Variants in ANKS1B observed in about 807,000 individuals in gnomAD.
The protein encoded by ANKS1B is ankyrin repeat and sterile alpha motif domain-containing protein 1B.
Under a neutral mutation model 148.3 loss-of-function variants are expected in ANKS1B, and 36 were observed. The observed-to-expected ratio is 0.24, with a 90% CI of 0.19 to 0.32. The LOEUF is 0.32. Among genes scored for constraint, ANKS1B ranks in the 10% least tolerant of loss-of-function variants. ANKS1B has a pLI of 1.00. For synonymous variants in ANKS1B, 542 were observed against 560.8 expected, an observed-to-expected ratio of 0.97 and a Z score of 0.47; for missense variants, 1,157 against 1,542.6, an observed-to-expected ratio of 0.75 and a Z score of 4.19.
intron 15 of ANKS1B, among the ~76,000 whole-genome samples, chr12:99,108,962 A>G (rs965951827): frequency 2.6e-5 from 4 of 152,300 alleles, no homozygotes; most frequent in African/African-American, 9.6e-5. Context: ...GAAGGGAAGT[A>G]AATGGCCTCA....
Position 98,932,138 on chromosome 12 carries a change from C to T in ANKS1B, c.2779-100002G>A, listed in dbSNP as rs2152967682. ...CCAGGGAAGAGACCAGGGGGAAACACAAACTAACACAACAAGCTCCTTCTG... is the reference window on the plus strand; with the variant it reads ...CCAGGGAAGAGACCAGGGGGAAACATAAACTAACACAACAAGCTCCTTCTG... On this transcript the variant is annotated intron_variant, in intron 17 of 26. Transcript: ENST00000683438. 2.0e-5 allele frequency among the ~76,000 whole-genome samples: 3 copies of T among 152,278 alleles called. No individual in the cohort carries two copies. In the South Asian group the frequency reaches 6.2e-4, roughly 32 times the overall value.
chr12:98,978,793 C>T (rs1159333809), intron 17 of ANKS1B, among the ~76,000 whole-genome samples: 1 of 152,016 alleles, frequency 6.6e-6, no homozygotes, highest in Non-Finnish European at 1.5e-5. Flanking sequence ...ATATACATAA[C>T]AGTGTATATA....
chr12:99,493,355 T>C (rs1023772024), intron 10 of ANKS1B, among the ~76,000 whole-genome samples: 10 of 151,230 alleles, frequency 6.6e-5, no homozygotes, highest in Non-Finnish European at 2.9e-5. Flanking sequence ...ACAAAGAAGA[T>C]ACAATCTACA....
At chr12:98,934,394 T>G (rs1307820980) in intron 17 of ANKS1B, among the ~76,000 whole-genome samples, 2 of 152,126 alleles carry the variant, frequency 1.3e-5, no homozygotes, top group African/African-American at 4.8e-5. Flanking sequence ...TTGATTACTG[T>G]GGCTTTGTGA....
At chr12:99,967,358 C>G (rs2095497130) in intron 1 of ANKS1B, among the ~76,000 whole-genome samples, 1 of 152,130 alleles carries the variant, frequency 6.6e-6, no homozygotes, top group Non-Finnish European at 1.5e-5. Context: ...CTGCATAGCG[C>G]CAAATGTCCT....
At chr12:98,838,363 A>G (rs7975495) in intron 17 of ANKS1B, among the ~76,000 whole-genome samples, 45,590 of 152,100 alleles carry the variant, frequency 0.3, 7,088 homozygotes, top group Admixed American at 0.35. Context: ...GTCTGTCTCT[A>G]TGTTCTGCAT....
At chr12:99,888,411 A>G (rs1278675761) in intron 1 of ANKS1B, among the ~76,000 whole-genome samples, 1 of 152,216 alleles carries the variant, frequency 6.6e-6, no homozygotes, top group Non-Finnish European at 1.5e-5. Context: ...GTATTGCCCT[A>G]GGTAATAAAT....
In ANKS1B at chr12:98,751,341, T is replaced by C; in HGVS notation, c.3747+14A>G. ...TTCAAGGTTTTTTAGAACATCTGTA[T>C]CGTTTCTACTTACCACGGACTTGCG... On this transcript the variant is annotated intron_variant, in intron 26 of 26. Coordinates refer to ENST00000683438, the MANE Select transcript of ANKS1B (RefSeq NM_001352186.2). The surrounding 1 kb of genome is among the most constrained non-coding windows in gnomAD (Gnocchi z 4.3). 6.2e-7 allele frequency: 1 copy of C among 1,612,742 alleles called. No homozygotes were observed. Among genetic ancestry groups the C allele is most frequent in the Middle Eastern group, 1.8e-4 (1 of 5,646 alleles).
chr12:98,957,058 T>C (rs1344255324), intron 17 of ANKS1B, among the ~76,000 whole-genome samples: 1 of 152,180 alleles, frequency 6.6e-6, no homozygotes. Context: ...TTAATAGCTC[T>C]AGAAGTGAGG....
chr12:99,072,681 C>T (rs1379813973), intron 16 of ANKS1B, among the ~76,000 whole-genome samples: 2 of 152,094 alleles, frequency 1.3e-5, no homozygotes, highest in South Asian at 2.1e-4. Context: ...TCTGTTAAGC[C>T]GCCTCAGTAT....
intron 15 of ANKS1B, among the ~76,000 whole-genome samples, chr12:99,123,238 T>C (rs2063414017): frequency 1.3e-5 from 2 of 151,900 alleles, no homozygotes; most frequent in South Asian, 4.1e-4. Flanking sequence ...GGTGCTGTGT[T>C]AGGGTGAGGA....
At chr12:99,724,133 G>A (rs925779405) in intron 8 of ANKS1B, among the ~76,000 whole-genome samples, 22 of 152,116 alleles carry the variant, frequency 1.4e-4, no homozygotes, top group Admixed American at 4.6e-4. Context: ...CAGCAAGGGT[G>A]CAGAACTGGG....
At chr12:99,385,340 G>A (rs750492408) in intron 12 of ANKS1B, among the ~76,000 whole-genome samples, 2 of 152,214 alleles carry the variant, frequency 1.3e-5, no homozygotes, top group East Asian at 1.9e-4. Context: ...GTGCTGGCAC[G>A]TGCCTGTAGT....
intron 12 of ANKS1B, among the ~76,000 whole-genome samples, chr12:99,286,151 C>T (rs2079091326): frequency 6.6e-6 from 1 of 151,528 alleles, no homozygotes; most frequent in East Asian, 2.0e-4. Context: ...TCACACCTTC[C>T]TTCTGCTTGA....
At chr12:99,577,647 C>T (rs1043579073) in intron 9 of ANKS1B, among the ~76,000 whole-genome samples, 2 of 151,986 alleles carry the variant, frequency 1.3e-5, no homozygotes, top group African/African-American at 4.8e-5. Context: ...TGGAAACATA[C>T]AACCTCCCAA....
At chr12:99,034,962 G>C (rs1409015643) in intron 17 of ANKS1B, among the ~76,000 whole-genome samples, 1 of 152,134 alleles carries the variant, frequency 6.6e-6, no homozygotes, top group African/African-American at 2.4e-5. Context: ...ACCTCAGTTT[G>C]GGCGATGAGG....
chr12:99,576,529 TCA>T (rs2097522017), intron 9 of ANKS1B, among the ~76,000 whole-genome samples: 1 of 151,958 alleles, frequency 6.6e-6, no homozygotes, highest in African/African-American at 2.4e-5. Flanking sequence ...ATCATACCAA[TCA>T]CACTCTTGGA....
At chr12:98,993,161 A>T (rs1481109944) in intron 17 of ANKS1B, among the ~76,000 whole-genome samples, 1 of 152,100 alleles carries the variant, frequency 6.6e-6, no homozygotes, top group Non-Finnish European at 1.5e-5. Context: ...TTTTTTAAAA[A>T]TTTAATTTCT....
At chr12:98,857,137 A>G (rs1206573569) in intron 17 of ANKS1B, among the ~76,000 whole-genome samples, 15 of 152,222 alleles carry the variant, frequency 9.9e-5, no homozygotes, top group Admixed American at 9.8e-4. Flanking sequence ...CCTATATGAA[A>G]GGACAACATG....
Sources: gnomAD v4.1 joint callset for allele counts (sites outside exome capture counted in the v4.1 genomes callset) on GRCh38, gnomAD v4.1.1 for gene constraint, Gnocchi (gnomAD v3.1) non-coding constraint, MANE v1.5 for transcripts, NCBI Gene and HGNC (gene_info 2026-07-23, HGNC 2026-07-21) for gene names.